The following PCDHA6 variants were observed in gnomAD, a reference collection of about 807,000 sequenced individuals.
The protein encoded by PCDHA6 is protocadherin alpha 6, also known as protocadherin alpha-6.
A neutral mutation model predicts 60.3 loss-of-function variants in PCDHA6; 55 were observed. The observed-to-expected ratio is 0.91, with a 90% CI of 0.73 to 1.14. The LOEUF (loss-of-function observed/expected upper bound fraction) is 1.14, where lower values mean the gene tolerates loss of function less well. PCDHA6 is among the 50% of genes most tolerant of loss of function. The pLI, the probability that PCDHA6 is intolerant of heterozygous loss-of-function variation, is 0.00. For missense variants in PCDHA6, 1,327 were observed against 1,256.5 expected, an observed-to-expected ratio of 1.06 and a Z score of -0.85; for synonymous variants, 652 against 557.9, an observed-to-expected ratio of 1.17 and a Z score of -2.38.
Position 140,830,028 on chromosome 5 carries a change from G to A in PCDHA6, c.1937G>A (p.Arg646Gln), listed in dbSNP as rs2150179935. ...VLDEADSPRH[R>Q]LLVLVKDHGE... ...GACGAAGCGGACTCTCCGCGCCACC[G>A]GCTGCTGGTGCTGGTGAAAGACCAC... Residue 646 changes from arginine (R) to glutamine (Q), a missense_variant, in exon 1 of 4, where the codon CGG becomes CAG. Coordinates refer to ENST00000529310, the MANE Select transcript of PCDHA6 (RefSeq NM_018909.4). 6.2e-7 allele frequency: 1 copy of A among 1,613,878 alleles called. No individual in the cohort carries two copies. Among genetic ancestry groups the A allele is most frequent in the Admixed American group, 1.7e-5 (1 of 60,022 alleles).
chr5:140,839,078 C>T (rs1776029855), intron 1 of PCDHA6, among the ~76,000 whole-genome samples: 1 of 151,898 alleles, frequency 6.6e-6, no homozygotes, highest in African/African-American at 2.4e-5. Flanking sequence ...AAGTCAAAAA[C>T]CTGTCTGATA....
intron 1 of PCDHA6, chr5:140,851,223 A>C: frequency 8.7e-7 from 1 of 1,147,456 alleles, no homozygotes; most frequent in Admixed American, 4.0e-5. Flanking sequence ...TAACATCACT[A>C]TCATTTATTT....
In PCDHA6 at chr5:140,846,504, A is replaced by G. The variant is rs910263180; in HGVS notation, c.2394+16019A>G. ...ATTCTCCTTCCTCAGCCTCCCAAGT[A>G]GCTGGGATTACAGGTGCATGCCACC... is the stretch of plus-strand genomic sequence containing the variant. On this transcript the variant is annotated intron_variant, in intron 1 of 3. Coordinates refer to ENST00000529310, the MANE Select transcript of PCDHA6 (RefSeq NM_018909.4). Among the ~76,000 whole-genome samples the G allele has an allele frequency of 1.4e-5, 2 of 146,302 alleles. 1 individual carries two copies. Among genetic ancestry groups the G allele is most frequent in the Non-Finnish European group, 3.0e-5 (2 of 66,038 alleles).
chr5:140,990,869 G>A (rs2097420316), intron 3 of PCDHA6, among the ~76,000 whole-genome samples: 3 of 152,192 alleles, frequency 2.0e-5, no homozygotes, highest in African/African-American at 4.8e-5. Context: ...TGTATTTTAA[G>A]TGTATGTTCC....
chr5:140,930,203 T>C (rs1486886896), intron 1 of PCDHA6: 6 of 152,202 alleles, frequency 3.9e-5, no homozygotes, highest in African/African-American at 1.4e-4. Flanking sequence ...ATGTCAGAAA[T>C]ATTTATGTGT....
At chr5:140,988,625 T>A (rs1406223989) in intron 3 of PCDHA6, among the ~76,000 whole-genome samples, 1 of 152,176 alleles carries the variant, frequency 6.6e-6, no homozygotes, top group Non-Finnish European at 1.5e-5. Context: ...AATGGAGATG[T>A]CCTGGTTTTC....
chr5:140,835,424 T>C (rs2150235453), intron 1 of PCDHA6: 4 of 1,613,962 alleles, frequency 2.5e-6, no homozygotes, highest in South Asian at 2.2e-5. Flanking sequence ...ATGACAATGC[T>C]CCACAGTTGA....
intron 1 of PCDHA6, chr5:140,927,901 GC>G (rs1423958386): frequency 3.1e-6 from 5 of 1,614,084 alleles, no homozygotes; most frequent in Non-Finnish European, 4.2e-6. Context: ...GAACGATCAT[GC>G]CCCCGAACTG....
intron 1 of PCDHA6, among the ~76,000 whole-genome samples, chr5:140,949,539 A>G (rs971813092): frequency 6.6e-6 from 1 of 151,744 alleles, no homozygotes; most frequent in Admixed American, 6.6e-5. Context: ...TAAAATATCG[A>G]TTTGTTGCTG....
intron 1 of PCDHA6, chr5:140,877,033 C>A: frequency 6.2e-7 from 1 of 1,612,480 alleles, no homozygotes; most frequent in East Asian, 2.2e-5. Flanking sequence ...GTACGCGCTG[C>A]AGCCGCTAGA....
At chr5:140,871,187 T>C in intron 1 of PCDHA6, 1 of 1,613,626 alleles carries the variant, frequency 6.2e-7, no homozygotes, top group Non-Finnish European at 8.5e-7. Flanking sequence ...CTGGTGGATG[T>C]CAACGTGTAC....
chr5:141,006,872 G>T (rs1211849672), intron 3 of PCDHA6, among the ~76,000 whole-genome samples: 1 of 152,144 alleles, frequency 6.6e-6, no homozygotes, highest in Non-Finnish European at 1.5e-5. Flanking sequence ...ATAGATTCGA[G>T]GAATCAAGAG....
chr5:140,910,127 C>T (rs1323587900), intron 1 of PCDHA6, among the ~76,000 whole-genome samples: 5 of 152,202 alleles, frequency 3.3e-5, no homozygotes, highest in African/African-American at 1.2e-4. Context: ...GGTCTGTAAA[C>T]TGGTTTAAGT....
chr5:140,834,368 A>C (rs2150215878), intron 1 of PCDHA6: 10 of 1,555,242 alleles, frequency 6.4e-6, no homozygotes, highest in African/African-American at 1.4e-5. Flanking sequence ...CTAGAAAAAC[A>C]AGCCAATAAT....
At chr5:140,897,130 C>A (rs913808184) in intron 1 of PCDHA6, among the ~76,000 whole-genome samples, 11 of 152,118 alleles carry the variant, frequency 7.2e-5, no homozygotes, top group Non-Finnish European at 5.9e-5. Flanking sequence ...CCCCACTAAA[C>A]TTTCTAGCCT....
At chr5:140,893,780 C>G (rs966071281) in intron 1 of PCDHA6, among the ~76,000 whole-genome samples, 1 of 151,980 alleles carries the variant, frequency 6.6e-6, no homozygotes. Flanking sequence ...TTTCTTTTAC[C>G]GTTTTTAGAA....
rs2150272334 is a variant in PCDHA6 at position 140,837,015 on chromosome 5, T to C, written c.2394+6530T>C. On this transcript the variant is annotated intron_variant, in intron 1 of 3. Coordinates refer to ENST00000529310, the MANE Select transcript of PCDHA6 (RefSeq NM_018909.4). ...GCTAACTGGAGCAATGGATTCACCT[T>C]TCTTCTATAGTGTATTTACAAAATC... The C allele has an allele frequency of 2.4e-4, 72 of 298,058 alleles. 1 individual carries two copies. In the East Asian group the frequency reaches 3.4e-3, roughly 14 times the overall value. The allele number at this position is 298,058 out of a possible 1,614,324, so 18.5% of individuals were successfully genotyped here.
At chr5:140,868,823 G>T (rs576498570) in intron 1 of PCDHA6, 2 of 397,532 alleles carry the variant, frequency 5.0e-6, no homozygotes, top group East Asian at 8.3e-5. Flanking sequence ...ATATTTGGGG[G>T]AAGAAACCCA....
chr5:140,849,943 A>G lies in PCDHA6; in HGVS notation c.2394+19458A>G, dbSNP rs2150458955. The G allele has an allele frequency of 3.8e-6, 6 of 1,597,666 alleles. 2 individuals carry two copies. In the African/African-American group the frequency reaches 5.4e-5, roughly 14 times the overall value. On this transcript the variant is annotated intron_variant, in intron 1 of 3. Transcript: ENST00000529310. ...TTCACGGTGTCTGCGCGGGACGCTG[A>G]CGCGCAGGAGAACGCCCTGGTGTCC...
Sources: allele counts gnomAD v4.1 joint callset (sites outside exome capture counted in the v4.1 genomes callset), GRCh38; gene constraint gnomAD v4.1.1; transcripts MANE v1.5; gene names NCBI Gene and HGNC (gene_info 2026-07-23, HGNC 2026-07-21).